The following FBXO10 variants were observed in gnomAD, a reference collection of about 807,000 sequenced individuals.
The protein encoded by FBXO10 is F-box protein 10, also known as F-box only protein 10.
FBXO10 carries 39 observed loss-of-function variants against 80.7 expected under a neutral mutation model. The ratio of observed to expected loss-of-function variants is 0.48; its 90% CI spans 0.37 to 0.63. The LOEUF (loss-of-function observed/expected upper bound fraction) is 0.63. FBXO10 is among the 30% of genes least tolerant of loss of function. The pLI, the probability that FBXO10 is intolerant of heterozygous loss-of-function variation, is 0.00. For synonymous variants in FBXO10, 449 were observed against 489.6 expected (o/e 0.92, Z 1.09); for missense variants, 1,025 against 1,269.0 (o/e 0.81, Z 2.92).
In FBXO10 at chr9:37,512,305, CT is replaced by C; in HGVS notation, c.*241del. The C allele has an allele frequency of 4.9e-6, 2 of 408,376 alleles. No individual in the cohort carries two copies. Among genetic ancestry groups the C allele is most frequent in the East Asian group, 4.0e-5 (1 of 25,014 alleles). The allele number at this position is 408,376 out of a possible 1,614,324, so 25.3% of individuals were successfully genotyped here. ...TTGAGCTTCCCCCGCTCTTCACAAT[CT>C]TTATAGACTTCGAGTGACTGGAAAC... On this transcript the variant is annotated 3_prime_UTR_variant, in exon 11 of 11. Transcript: ENST00000432825.
chr9:37,543,940 G>A (rs1402509927), intron 1 of FBXO10, among the ~76,000 whole-genome samples: 4 of 152,140 alleles, frequency 2.6e-5, no homozygotes, highest in Non-Finnish European at 5.9e-5. Context: ...GACCAGCCTG[G>A]CCAACATGGT....
chr9:37,523,427 G>C (rs1458150720), intron 6 of FBXO10, among the ~76,000 whole-genome samples: 1 of 152,026 alleles, frequency 6.6e-6, no homozygotes, highest in East Asian at 1.9e-4. Flanking sequence ...GGTGGTGCGT[G>C]CCTGTAGTCC....
intron 6 of FBXO10, 52 bp downstream of exon 6, chr9:37,525,050 C>T (rs866551204): frequency 8.2e-5 from 122 of 1,490,880 alleles, no homozygotes; most frequent in Middle Eastern, 3.6e-4. Flanking sequence ...TGGGGGGTGA[C>T]GCCAGGGGAC....
At chr9:37,558,638 G>T (rs1439751603) in intron 1 of FBXO10, among the ~76,000 whole-genome samples, 2 of 152,086 alleles carry the variant, frequency 1.3e-5, no homozygotes, top group African/African-American at 4.8e-5. Context: ...GTGTTTTTAA[G>T]TAAACGAATA....
chr9:37,548,994 C>T (rs554989921), intron 1 of FBXO10, among the ~76,000 whole-genome samples: 4 of 152,232 alleles, frequency 2.6e-5, no homozygotes, highest in South Asian at 4.2e-4. Context: ...ATGATCCACC[C>T]GCCTCGGCCT....
intron 1 of FBXO10, among the ~76,000 whole-genome samples, chr9:37,550,606 A>G (rs555464176): frequency 6.6e-6 from 1 of 151,506 alleles, no homozygotes; most frequent in Non-Finnish European, 1.5e-5. Context: ...CAGCCTCCCA[A>G]GTTGCTGGGA....
intron 1 of FBXO10, among the ~76,000 whole-genome samples, chr9:37,568,672 G>T (rs1340985384): frequency 6.6e-6 from 1 of 152,098 alleles, no homozygotes. Flanking sequence ...CGGAGTTCAT[G>T]TGGTCTAAGG....
rs768066589 is a variant in FBXO10 at position 37,541,734 on chromosome 9, C to T, written c.35G>A (p.Arg12His). 1.1e-5 allele frequency: 18 copies of T among 1,609,696 alleles called. No homozygotes were observed. The highest frequency in any genetic ancestry group is 6.7e-5 in the African/African-American group (5 of 74,858). The change falls in exon 2 of 11, where the codon CGC becomes CAC. Residue 12 changes from arginine to histidine, a missense_variant. Arg to His is a conservative substitution (Grantham distance 29). Around this residue, in one of 3 missense-constraint regions of FBXO10, gnomAD observed 450 missense variants for 499.4 expected, o/e 0.90. Coordinates refer to ENST00000432825, the MANE Select transcript of FBXO10 (RefSeq NM_012166.3). ...EAGGLPLELW[R>H]MILAYLHLPD... is the part of the protein sequence containing the mutation. Reference sequence around the variant, plus strand: ...AAGGTGCAAGTAGGCTAAGATCATGCGCCACAGCTCCAAGGGGAGGCCACC... The same window carrying T: ...AAGGTGCAAGTAGGCTAAGATCATGTGCCACAGCTCCAAGGGGAGGCCACC...
In FBXO10 at chr9:37,567,147, T is replaced by C. The variant is rs565397806; in HGVS notation, c.-7+9064A>G. ...TACATGTCTTTTTTTTTTCTTTTTT[T>C]CTTTTTTTTTTTTGAGACAAGGTCT... On this transcript the variant is annotated intron_variant, in intron 1 of 10. Transcript: ENST00000432825. Among the ~76,000 whole-genome samples the C allele has an allele frequency of 4.6e-3, 678 of 148,466 alleles. 5 individuals are homozygous for C. Among genetic ancestry groups the C allele is most frequent in the African/African-American group, 0.017 (653 of 38,754 alleles).
rs113063019 is a variant in FBXO10, at chr9:37,525,172, G to C, written c.1707C>G (p.Ser569Arg). Residue 569 changes from serine to arginine, a missense_variant and splice_region_variant, in exon 6 of 11, where the codon AGC becomes AGG. Ser to Arg is a moderately radical substitution (Grantham distance 110). Transcript: ENST00000432825. ...CACGGCCCTTGAAGATGTGGTTCCC[G>C]CTAAAGTGGAAGGAAAACAAAACAA... ...YILYHGNPVV[S>R]GNHIFKGRAA... The C allele has an allele frequency of 8.3e-6, 13 of 1,560,428 alleles. No individual in the cohort carries two copies. The highest frequency in any genetic ancestry group is 2.7e-5 in the African/African-American group (2 of 73,504).
At chr9:37,554,048 G>A (rs1402010124) in intron 1 of FBXO10, among the ~76,000 whole-genome samples, 1 of 152,012 alleles carries the variant, frequency 6.6e-6, no homozygotes, top group Non-Finnish European at 1.5e-5. Flanking sequence ...ATAGTCCAAG[G>A]TCTAATTTAG....
At chr9:37,557,477 C>T (rs1178498539) in intron 1 of FBXO10, among the ~76,000 whole-genome samples, 1 of 152,204 alleles carries the variant, frequency 6.6e-6, no homozygotes, top group African/African-American at 2.4e-5. Flanking sequence ...GGGGTAGATG[C>T]AGTTCAGCCT....
At chr9:37,515,804 A>C (rs1821165824) in intron 10 of FBXO10, 100 bp downstream of exon 10, 1 of 1,280,026 alleles carries the variant, frequency 7.8e-7, no homozygotes, top group Admixed American at 2.2e-5. Context: ...GCAGGGTTGC[A>C]GGGAGCCCGG....
Position 37,531,969 on chromosome 9 carries a change from G to A in FBXO10, c.1509C>T (p.Asn503=). The change falls in exon 4 of 11, where the codon AAC becomes AAT. Residue 503 remains asparagine, a synonymous_variant. Transcript: ENST00000432825. ...CACCAGCCTCTGCATTGTGGTAAAT[G>A]TTGTTGCCGGCAATCAAGCCACCGC... ...LEGGGLIAGN[N]IYHNAEAGVD... is the part of the protein sequence containing the mutation. 6.2e-7 allele frequency: 1 copy of A among 1,614,030 alleles called. No homozygotes were observed. The highest frequency in any genetic ancestry group is 8.5e-7 in the Non-Finnish European group (1 of 1,179,880).
chr9:37,567,590 G>A (rs373125031), intron 1 of FBXO10, among the ~76,000 whole-genome samples: 7 of 152,272 alleles, frequency 4.6e-5, no homozygotes, highest in African/African-American at 1.7e-4. Context: ...TGATCTGTGA[G>A]TTTATATATA....
In FBXO10 at chr9:37,537,452, A is replaced by C; in HGVS notation, c.1077T>G (p.Ser359Arg). The C allele has an allele frequency of 1.2e-6, 2 of 1,604,646 alleles. No individual in the cohort carries two copies. Among genetic ancestry groups the C allele is most frequent in the Non-Finnish European group, 1.7e-6 (2 of 1,175,556 alleles). ...QTPDSSDGGL[S>R]PSGEDEDEDQ... ...CCTCATCTTCATCCTCACCGCTGGG[A>C]CTCAGGCCTCCATCGCTGCTGTCCG... Residue 359 changes from serine (S) to arginine (R), a missense_variant, in exon 3 of 11, where the codon AGT (serine) becomes AGG (arginine). This residue lies in a region of FBXO10 where 450 missense variants were observed against 499.4 expected (regional missense o/e 0.90). Transcript: ENST00000432825.
intron 1 of FBXO10, among the ~76,000 whole-genome samples, chr9:37,561,173 C>CT (rs78284002): frequency 0.23 from 30,121 of 129,708 alleles, 4,515 homozygotes; most frequent in African/African-American, 0.42. Context: ...ACAAAATCAA[C>CT]TTTTTTTTTT....
At position 37,554,359 on chromosome 9, in the gene FBXO10, A is replaced by C. The variant is rs1041994115; in HGVS notation, c.-6-12585T>G. On this transcript the variant is annotated intron_variant, in intron 1 of 10. Coordinates refer to ENST00000432825, the MANE Select transcript of FBXO10 (RefSeq NM_012166.3). ...TATTGAGACTGGCTTTTTTTCATTC[A>C]GTGTAATTCGATGGAGGCTCATCCT... Among the ~76,000 whole-genome samples the C allele has an allele frequency of 3.9e-5, 6 of 152,188 alleles. No homozygotes were observed. In the East Asian group the frequency reaches 1.2e-3, roughly 29 times the overall value.
chr9:37,547,533 C>A (rs1477650334), intron 1 of FBXO10, among the ~76,000 whole-genome samples: 1 of 152,180 alleles, frequency 6.6e-6, no homozygotes, highest in East Asian at 1.9e-4. Flanking sequence ...ATCACTTAAG[C>A]CCAGGAAATC....
Sources: gnomAD v4.1 joint callset for allele counts (sites outside exome capture counted in the v4.1 genomes callset) on GRCh38, gnomAD v4.1.1 for gene constraint, gnomAD v4.1.1 regional missense constraint, MANE v1.5 for transcripts, NCBI Gene and HGNC (gene_info 2026-07-23, HGNC 2026-07-21) for gene names.